Variants in CACNA1E observed in about 807,000 individuals in gnomAD.
CACNA1E encodes the protein calcium voltage-gated channel subunit alpha1 E, also known as voltage-dependent R-type calcium channel subunit alpha-1E.
Under a neutral mutation model 259.2 loss-of-function variants are expected in CACNA1E, and 40 were observed. The observed-to-expected ratio is 0.15, with a 90% CI of 0.12 to 0.20. CACNA1E has a LOEUF of 0.20. Among genes scored for constraint, CACNA1E ranks in the 10% least tolerant of loss-of-function variants. The pLI, the probability that CACNA1E is intolerant of heterozygous loss-of-function variation, is 1.00. For missense variants in CACNA1E, 1,874 were observed against 3,040.1 expected, an observed-to-expected ratio of 0.62 and a Z score of 9.02; for synonymous variants, 1,104 against 1,138.5, an observed-to-expected ratio of 0.97 and a Z score of 0.61.
At chr1:181,790,724 G>A (rs1661230247) in intron 44 of CACNA1E, among the ~76,000 whole-genome samples, 168 bp downstream of exon 44, 1 of 152,208 alleles carries the variant, frequency 6.6e-6, no homozygotes, top group South Asian at 2.1e-4. Flanking sequence ...TTTCTCATGT[G>A]CTCTGACAAT....
upstream of CACNA1E, among the ~76,000 whole-genome samples, chr1:181,481,875 C>T (rs916630476): frequency 5.3e-5 from 8 of 151,822 alleles, no homozygotes; most frequent in African/African-American, 1.5e-4. Flanking sequence ...TGAGAAAGTC[C>T]GTGGAGCTTA....
intron 18 of CACNA1E, among the ~76,000 whole-genome samples, chr1:181,727,087 T>C (rs1654978485): frequency 6.6e-6 from 1 of 152,210 alleles, no homozygotes; most frequent in African/African-American, 2.4e-5. Context: ...CATCCAAGTA[T>C]TGAACTGGCT....
chr1:181,720,461 T>A, intron 14 of CACNA1E, 124 bp downstream of exon 14: 1 of 1,031,150 alleles, frequency 9.7e-7, no homozygotes, highest in Non-Finnish European at 1.4e-6. Flanking sequence ...TGGCCTGAAT[T>A]AACCACTGAG....
At chr1:181,425,677 C>T (rs950106113) in intron 2 of CACNA1E, among the ~76,000 whole-genome samples, 1 of 151,792 alleles carries the variant, frequency 6.6e-6, no homozygotes, top group African/African-American at 2.4e-5. Context: ...CGTGGGGCAC[C>T]CTTCTGAGGA....
At chr1:181,481,720 C>G (rs1193744216), upstream of CACNA1E, among the ~76,000 whole-genome samples, 1 of 152,194 alleles carries the variant, frequency 6.6e-6, no homozygotes, top group Admixed American at 6.5e-5. Context: ...TCCCTGCCCT[C>G]AGTTCAAACC....
intron 2 of CACNA1E, among the ~76,000 whole-genome samples, chr1:181,419,727 T>TC (rs1647841414): frequency 6.6e-6 from 1 of 152,196 alleles, no homozygotes; most frequent in Non-Finnish European, 1.5e-5. Context: ...GGAATTGATA[T>TC]CCATTCTAAT....
chr1:181,494,281 A>T (rs1290802628), intron 1 of CACNA1E, among the ~76,000 whole-genome samples: 1 of 151,794 alleles, frequency 6.6e-6, no homozygotes, highest in Non-Finnish European at 1.5e-5. Context: ...AGCATTTAAC[A>T]CATTAGTTTG....
chr1:181,532,523 C>G (rs506801), intron 3 of CACNA1E, among the ~76,000 whole-genome samples: 25,257 of 152,234 alleles, frequency 0.17, 2,255 homozygotes, highest in African/African-American at 0.22. Flanking sequence ...CACGTTGCAC[C>G]TGATCTTTCT....
intron 41 of CACNA1E, among the ~76,000 whole-genome samples, chr1:181,784,993 C>T (rs1292136856): frequency 6.6e-6 from 1 of 152,180 alleles, no homozygotes; most frequent in Non-Finnish European, 1.5e-5. Flanking sequence ...TAATACTGCT[C>T]AGCAAACCTT....
At chr1:181,647,877 G>A (rs887060526) in intron 6 of CACNA1E, among the ~76,000 whole-genome samples, 2 of 152,190 alleles carry the variant, frequency 1.3e-5, no homozygotes, top group Non-Finnish European at 2.9e-5. Context: ...GAATGAAACA[G>A]GAGGGAGAGG....
chr1:181,468,092 G>C (rs1423082021), intron 2 of CACNA1E, among the ~76,000 whole-genome samples: 1 of 152,204 alleles, frequency 6.6e-6, no homozygotes, highest in East Asian at 1.9e-4. Flanking sequence ...TGTGTGGCTA[G>C]ATTAGGTTAT....
chr1:181,548,443 G>A (rs1226811615), intron 3 of CACNA1E, among the ~76,000 whole-genome samples: 2 of 152,096 alleles, frequency 1.3e-5, no homozygotes, highest in African/African-American at 2.4e-5. Flanking sequence ...CACTTTATTA[G>A]TATCTTTATT....
intron 6 of CACNA1E, among the ~76,000 whole-genome samples, chr1:181,596,263 G>A (rs2103043228): frequency 6.6e-6 from 1 of 152,294 alleles, no homozygotes; most frequent in African/African-American, 2.4e-5. Context: ...TTGGGAAGCA[G>A]CCTCCTGTGG....
chr1:181,632,252 G>C (rs1656817882), intron 6 of CACNA1E, among the ~76,000 whole-genome samples: 1 of 152,118 alleles, frequency 6.6e-6, no homozygotes, highest in Non-Finnish European at 1.5e-5. Flanking sequence ...CAATGCTTGT[G>C]CCTTTCCTCT....
intron 1 of CACNA1E, among the ~76,000 whole-genome samples, chr1:181,386,525 A>G (rs1655861110): frequency 6.6e-6 from 1 of 152,220 alleles, no homozygotes; most frequent in African/African-American, 2.4e-5. Context: ...GACAATCAGG[A>G]TCAGAGCCAT....
At chr1:181,441,335 A>T (rs1016751837) in intron 2 of CACNA1E, among the ~76,000 whole-genome samples, 4 of 152,198 alleles carry the variant, frequency 2.6e-5, no homozygotes, top group African/African-American at 9.7e-5. Flanking sequence ...TATTGTTAGT[A>T]GAGACGGGGT....
At chr1:181,423,349 A>T (rs1658904376) in intron 2 of CACNA1E, among the ~76,000 whole-genome samples, 2 of 152,204 alleles carry the variant, frequency 1.3e-5, no homozygotes. Flanking sequence ...GATCATTATT[A>T]TTATTCATCT....
chr1:181,453,515 G>A (rs1661283998), intron 2 of CACNA1E, among the ~76,000 whole-genome samples: 1 of 152,224 alleles, frequency 6.6e-6, no homozygotes, highest in Admixed American at 6.5e-5. Context: ...ATACAAGGAG[G>A]AGGCAGGGAG....
At chr1:181,385,662 A>G (rs910018768) in intron 1 of CACNA1E, among the ~76,000 whole-genome samples, 1 of 152,058 alleles carries the variant, frequency 6.6e-6, no homozygotes, top group African/African-American at 2.4e-5. Context: ...GGGACTTTGA[A>G]TCCGTCATTT....
Sources: allele counts gnomAD v4.1 joint callset (sites outside exome capture counted in the v4.1 genomes callset), GRCh38; gene constraint gnomAD v4.1.1; transcripts MANE v1.5; gene names NCBI Gene and HGNC (gene_info 2026-07-23, HGNC 2026-07-21).